TUSC3: variants seen among roughly 807,000 people sequenced by gnomAD.
TUSC3 encodes dolichyl-diphosphooligosaccharide--protein glycosyltransferase subunit TUSC3.
In TUSC3, 45 loss-of-function variants were observed where a neutral mutation model predicts 44.8. The observed-to-expected ratio is 1.00, with a 90% confidence interval of 0.79 to 1.29. The LOEUF (loss-of-function observed/expected upper bound fraction) is 1.29. Ranked by LOEUF, TUSC3 falls within the 50% of genes most tolerant of loss-of-function variation. The probability of loss-of-function intolerance (pLI) is 0.00; values close to 1 mark genes in which losing one functional copy is unlikely to be tolerated. For missense variants in TUSC3, 519 were observed against 437.9 expected, an observed-to-expected ratio of 1.19 and a Z score of -1.65; for synonymous variants, 212 against 152.9, an observed-to-expected ratio of 1.39 and a Z score of -2.85.
intron 2 of TUSC3, among the ~76,000 whole-genome samples, chr8:15,641,856 T>A (rs1806388350): frequency 6.6e-6 from 1 of 152,170 alleles, no homozygotes; most frequent in South Asian, 2.1e-4. Flanking sequence ...TTTATATGTA[T>A]CTAAAGGCCT....
At chr8:15,611,439 G>A (rs150649685) in intron 1 of TUSC3, among the ~76,000 whole-genome samples, 71 of 152,204 alleles carry the variant, frequency 4.7e-4, no homozygotes, top group Middle Eastern at 3.4e-3. Context: ...TGCCCGCACC[G>A]GCCTCCCAAA....
At chr8:15,742,603 T>A (rs1423240239) in intron 7 of TUSC3, among the ~76,000 whole-genome samples, 3 of 152,170 alleles carry the variant, frequency 2.0e-5, no homozygotes, top group Non-Finnish European at 4.4e-5. Context: ...GATAGAGACA[T>A]CCTGCACAGG....
In TUSC3 at chr8:15,434,497, A is replaced by T. The variant is rs1799919192; in HGVS notation, n.91+17192A>T. ...CTAGTTGTTTTATTCACTAACCTGA[A>T]ATATTCTATGTGCTCAAATTATAAA... On this transcript the variant is annotated intron_variant and non_coding_transcript_variant, in intron 1 of 5. Transcript: ENST00000503191. Among the ~76,000 whole-genome samples, 5 of 150,040 alleles carry T rather than the reference A, an allele frequency of 3.3e-5. No individual in the cohort carries two copies. In the South Asian group the frequency reaches 1.1e-3, roughly 32 times the overall value.
At chr8:15,747,511 A>C (rs1585297962) in intron 8 of TUSC3, among the ~76,000 whole-genome samples, 1 of 152,070 alleles carries the variant, frequency 6.6e-6, no homozygotes, top group South Asian at 2.1e-4. Context: ...TAAGTATTTA[A>C]ATTTTATAAG....
the TUSC3 span, among the ~76,000 whole-genome samples, chr8:15,778,428 G>C: frequency 6.6e-6 from 1 of 152,062 alleles, no homozygotes; most frequent in African/African-American, 2.4e-5. Context: ...TGCTATGCCT[G>C]GGGACTAAAT....
intron 9 of TUSC3, 122 bp downstream of exon 9, chr8:15,748,587 G>T: frequency 1.1e-6 from 1 of 934,790 alleles, no homozygotes; most frequent in Middle Eastern, 2.1e-4. Context: ...ATTCAGTTAA[G>T]CAAGTTTTTG....
intron 1 of TUSC3, among the ~76,000 whole-genome samples, chr8:15,549,661 A>G (rs1801988346): frequency 6.6e-6 from 1 of 151,644 alleles, no homozygotes; most frequent in Admixed American, 6.6e-5. Context: ...CCCTTAAGGA[A>G]GGGAGAATGC....
chr8:15,457,165 T>G (rs1350523546), intron 1 of TUSC3, among the ~76,000 whole-genome samples: 8 of 58,746 alleles, frequency 1.4e-4, no homozygotes, highest in Non-Finnish European at 2.1e-4. Context: ...TGGGGCCTGT[T>G]GTGAGGTGGG....
the TUSC3 span, among the ~76,000 whole-genome samples, chr8:15,831,966 A>T: frequency 2.0e-5 from 3 of 152,178 alleles, no homozygotes; most frequent in Non-Finnish European, 2.9e-5. Flanking sequence ...ACTTCAAAGA[A>T]GATTATGCCC....
chr8:15,823,990 C>A, the TUSC3 span, among the ~76,000 whole-genome samples: 1 of 152,172 alleles, frequency 6.6e-6, no homozygotes. Flanking sequence ...GAAGCAGTGT[C>A]TTCTATCATT....
At chr8:15,566,090 C>G (rs926452498) in intron 1 of TUSC3, among the ~76,000 whole-genome samples, 2 of 152,126 alleles carry the variant, frequency 1.3e-5, no homozygotes, top group Non-Finnish European at 1.5e-5. Context: ...AACAAAGCCA[C>G]TCAGCCCCTG....
At chr8:15,729,884 C>G (rs1047118440) in intron 6 of TUSC3, among the ~76,000 whole-genome samples, 17 of 151,914 alleles carry the variant, frequency 1.1e-4, no homozygotes, top group African/African-American at 4.1e-4. Context: ...AAAAAAGATA[C>G]CTTCAGAAAA....
At chr8:15,753,237 C>CTAAT (rs1224154078) in intron 9 of TUSC3, among the ~76,000 whole-genome samples, 2 of 152,028 alleles carry the variant, frequency 1.3e-5, no homozygotes, top group Non-Finnish European at 2.9e-5. Context: ...AAAAATCCCT[C>CTAAT]TAATTATATC....
intron 2 of TUSC3, among the ~76,000 whole-genome samples, chr8:15,514,240 A>G (rs1801180497): frequency 6.6e-6 from 1 of 152,202 alleles, no homozygotes; most frequent in Non-Finnish European, 1.5e-5. Flanking sequence ...TGAGTGAATG[A>G]TGAAAGCATC....
chr8:15,437,303 A>C (rs1214863677), intron 1 of TUSC3, among the ~76,000 whole-genome samples: 3 of 152,188 alleles, frequency 2.0e-5, no homozygotes, highest in Admixed American at 2.0e-4. Context: ...AGGGGTTATA[A>C]ACTTGAGGCT....
chr8:15,738,840 T>TC (rs796361435), intron 7 of TUSC3, among the ~76,000 whole-genome samples: 9 of 132,358 alleles, frequency 6.8e-5, no homozygotes, highest in Non-Finnish European at 8.1e-5. Context: ...TTTTTTTTTT[T>TC]TTTTTTTTTT....
chr8:15,629,510 G>T (rs1050681588), intron 2 of TUSC3, among the ~76,000 whole-genome samples: 1 of 149,392 alleles, frequency 6.7e-6, no homozygotes, highest in Non-Finnish European at 1.5e-5. Flanking sequence ...AGAGGGAGTT[G>T]TAGATGCACT....
At chr8:15,779,349 T>C in the TUSC3 span, among the ~76,000 whole-genome samples, 1 of 152,142 alleles carries the variant, frequency 6.6e-6, no homozygotes, top group Non-Finnish European at 1.5e-5. Context: ...ATTACAAGCA[T>C]GAGCCACTGT....
the TUSC3 span, among the ~76,000 whole-genome samples, chr8:15,842,041 A>G: frequency 6.6e-6 from 1 of 152,222 alleles, no homozygotes; most frequent in Admixed American, 6.5e-5. Context: ...GCTAACTGGA[A>G]TTTAGTTCCC....
Sources: gnomAD v4.1 joint callset for allele counts (sites outside exome capture counted in the v4.1 genomes callset) on GRCh38, gnomAD v4.1.1 for gene constraint, MANE v1.5 for transcripts, NCBI Gene and HGNC (gene_info 2026-07-23, HGNC 2026-07-21) for gene names.